DRD3: variants seen among roughly 807,000 people sequenced by gnomAD.
DRD3 encodes dopamine receptor D3.
A neutral mutation model predicts 36.3 loss-of-function variants in DRD3; 19 were observed. That is an observed-to-expected ratio of 0.52 (90% CI 0.36 to 0.77). The LOEUF (loss-of-function observed/expected upper bound fraction) is 0.77, where lower values mean the gene tolerates loss of function less well. Among genes scored for constraint, DRD3 ranks in the 30% least tolerant of loss-of-function variants. The probability of loss-of-function intolerance (pLI) is 0.00; values close to 1 mark genes in which losing one functional copy is unlikely to be tolerated. For synonymous variants in DRD3, 195 were observed against 203.7 expected (o/e 0.96, Z 0.36); for missense variants, 465 against 505.3 (o/e 0.92, Z 0.77).
At chr3:114,186,244 G>T (rs1195993266) in intron 1 of DRD3, among the ~76,000 whole-genome samples, 1 of 152,190 alleles carries the variant, frequency 6.6e-6, no homozygotes, top group African/African-American at 2.4e-5. Context: ...TCCTGCCTCA[G>T]CTTCCCAATC....
At chr3:114,154,673 C>T (rs1214243345) in intron 3 of DRD3, among the ~76,000 whole-genome samples, 2 of 152,218 alleles carry the variant, frequency 1.3e-5, no homozygotes, top group Admixed American at 6.5e-5. Context: ...ACCTATTGTG[C>T]TCGCTGCAAA....
chr3:114,156,725 CTTTCTTTCTTTCTTTCTTTTTCTT>C (rs1166055362), intron 3 of DRD3, among the ~76,000 whole-genome samples: 542 of 47,328 alleles, frequency 0.011, 4 homozygotes, highest in African/African-American at 0.034. Flanking sequence ...GTCTTTCTTT[CTTTCTTTCTTTCTTTCTTTTTCTT>C]TCTTTCTTTC....
chr3:114,164,940 G>A (rs780473855), intron 2 of DRD3, among the ~76,000 whole-genome samples: 37 of 152,016 alleles, frequency 2.4e-4, no homozygotes, highest in Non-Finnish European at 4.4e-4. Context: ...TAGTAGAGAC[G>A]GGGTTTCACC....
At chr3:114,147,265 G>T in intron 4 of DRD3, 150 bp downstream of exon 4, 8 of 1,015,558 alleles carry the variant, frequency 7.9e-6, no homozygotes, top group Non-Finnish European at 1.0e-5. Flanking sequence ...ACCCACAAAG[G>T]CCAAAGCTTT....
chr3:114,159,831 A>G lies in DRD3; in HGVS notation c.307T>C (p.Cys103Arg). ...ACATCCAGGGTGACAAAAACATCAC[A>G]GCAAATGCGGCTGAAATTCCAGACT... ...GGVWNFSRIC[C>R]DVFVTLDVMM... Residue 103 changes from cysteine to arginine, a missense_variant, in exon 3 of 7, where the codon TGT (cysteine) becomes CGT (arginine). Cys to Arg is a radical substitution (Grantham distance 180). Transcript: ENST00000383673. 1 of 1,614,144 alleles carries G rather than the reference A, an allele frequency of 6.2e-7. No homozygotes were observed. The highest frequency in any genetic ancestry group is 8.5e-7 in the Non-Finnish European group (1 of 1,179,986).
At chr3:114,143,598 C>T (rs1436159686) in intron 4 of DRD3, among the ~76,000 whole-genome samples, 1 of 152,130 alleles carries the variant, frequency 6.6e-6, no homozygotes, top group Non-Finnish European at 1.5e-5. Context: ...CATGCGGTGC[C>T]AATGAATCTG....
intron 1 of DRD3, among the ~76,000 whole-genome samples, chr3:114,190,116 TTAGA>T (rs2077996215): frequency 6.6e-6 from 1 of 151,936 alleles, no homozygotes; most frequent in Admixed American, 6.6e-5. Context: ...TTTACATACT[TTAGA>T]TAGAGCCAGT....
chr3:114,162,194 C>A (rs1299582390), intron 2 of DRD3, among the ~76,000 whole-genome samples: 2 of 152,214 alleles, frequency 1.3e-5, no homozygotes, highest in East Asian at 3.8e-4. Context: ...TAGAGATCAT[C>A]ATGATATCCT....
chr3:114,136,756 C>G (rs934198907), intron 5 of DRD3, among the ~76,000 whole-genome samples: 1 of 152,224 alleles, frequency 6.6e-6, no homozygotes, highest in Non-Finnish European at 1.5e-5. Context: ...ATACTGTTCT[C>G]ATATCTAACA....
At chr3:114,146,069 A>G (rs1265761492) in intron 4 of DRD3, among the ~76,000 whole-genome samples, 1 of 152,206 alleles carries the variant, frequency 6.6e-6, no homozygotes, top group Non-Finnish European at 1.5e-5. Flanking sequence ...CTTAGATTTT[A>G]CTTACTCCAG....
At chr3:114,139,435 G>A in intron 5 of DRD3, 65 bp downstream of exon 5, 1 of 1,519,600 alleles carries the variant, frequency 6.6e-7, no homozygotes. Flanking sequence ...ATGCACTGCT[G>A]GACACAGGCT....
intron 1 of DRD3, among the ~76,000 whole-genome samples, chr3:114,188,210 C>CTT (rs57147337): frequency 2.4e-3 from 299 of 122,880 alleles, no homozygotes; most frequent in Non-Finnish European, 3.0e-3. Flanking sequence ...CTTTTTTTCC[C>CTT]TTTTTTTTTT....
At position 114,131,364 on chromosome 3, in the gene DRD3, G is replaced by T. The variant is rs149736958; in HGVS notation, c.760C>A (p.Arg254Ser). 3 of 1,614,004 alleles carry T rather than the reference G, an allele frequency of 1.9e-6. No individual in the cohort carries two copies. Among genetic ancestry groups the T allele is most frequent in the Non-Finnish European group, 2.5e-6 (3 of 1,180,006 alleles). The change falls in exon 6 of 7, where the codon CGT becomes AGT. Residue 254 changes from arginine to serine, a missense_variant. Coordinates refer to ENST00000383673, the MANE Select transcript of DRD3 (RefSeq NM_000796.6). Reference protein sequence around the residue: ...SPDPAHLELKRYYSICQDTAL... With the variant: ...SPDPAHLELKSYYSICQDTAL... Reference sequence around the variant, plus strand: ...GTGTCCTGGCAGATGCTGTAGTAACGCTTCAGCTCCAGATGTGCCGGGTCA... The same window carrying T: ...GTGTCCTGGCAGATGCTGTAGTAACTCTTCAGCTCCAGATGTGCCGGGTCA...
chr3:114,195,813 TAAG>T (rs761685161), intron 1 of DRD3, among the ~76,000 whole-genome samples: 1 of 152,166 alleles, frequency 6.6e-6, no homozygotes, highest in Non-Finnish European at 1.5e-5. Context: ...CCCATTTACA[TAAG>T]AAGAAGTTGG....
intron 2 of DRD3, among the ~76,000 whole-genome samples, chr3:114,165,219 G>T (rs180958006): frequency 7.9e-5 from 12 of 152,226 alleles, no homozygotes; most frequent in African/African-American, 2.9e-4. Flanking sequence ...AAGAAATGAT[G>T]AGTATAAGTG....
chr3:114,142,995 G>C (rs1331158896), intron 4 of DRD3, among the ~76,000 whole-genome samples: 1 of 152,214 alleles, frequency 6.6e-6, no homozygotes. Flanking sequence ...TGTGTGTCCT[G>C]TTGGCAGGGC....
intron 6 of DRD3, among the ~76,000 whole-genome samples, chr3:114,129,552 T>A (rs1399889786): frequency 6.6e-6 from 1 of 152,186 alleles, no homozygotes; most frequent in Non-Finnish European, 1.5e-5. Context: ...TGCCTACCTA[T>A]GCAAAACATG....
At chr3:114,182,597 C>T (rs1445387039), upstream of DRD3, among the ~76,000 whole-genome samples, 1 of 151,898 alleles carries the variant, frequency 6.6e-6, no homozygotes, top group Non-Finnish European at 1.5e-5. Flanking sequence ...CCATCATCAT[C>T]TAATTTTTTC....
chr3:114,172,494 A>G (rs2077856176), intron 1 of DRD3, among the ~76,000 whole-genome samples: 1 of 152,222 alleles, frequency 6.6e-6, no homozygotes, highest in Non-Finnish European at 1.5e-5. Context: ...AGGAAGGGCT[A>G]GCACATAGAA....
Sources: allele counts gnomAD v4.1 joint callset (sites outside exome capture counted in the v4.1 genomes callset), GRCh38; gene constraint gnomAD v4.1.1; transcripts MANE v1.5; gene names NCBI Gene and HGNC (gene_info 2026-07-23, HGNC 2026-07-21).